DHX57: variants seen among roughly 807,000 people sequenced by gnomAD.
The protein encoded by DHX57 is putative ATP-dependent RNA helicase DHX57.
In DHX57, 105 loss-of-function variants were observed where a neutral mutation model predicts 156.2. That is an observed-to-expected ratio of 0.67 (90% CI 0.57 to 0.79). The LOEUF is 0.79. Ranked by LOEUF, DHX57 falls within the 30% of genes least tolerant of loss-of-function variation. The pLI, the probability that DHX57 is intolerant of heterozygous loss-of-function variation, is 0.00. For missense variants in DHX57, 1,847 were observed against 1,661.9 expected (o/e 1.11, Z -1.94); for synonymous variants, 704 against 595.6 (o/e 1.18, Z -2.65).
chr2:38,862,595 T>TA, intron 3 of DHX57: 1 of 271,400 alleles, frequency 3.7e-6, no homozygotes, highest in Non-Finnish European at 6.7e-6. Context: ...TACTGGAATG[T>TA]CCTTTTTTTT....
chr2:38,835,117 G>A (rs1671584048), intron 13 of DHX57, among the ~76,000 whole-genome samples: 1 of 152,160 alleles, frequency 6.6e-6, no homozygotes, highest in Non-Finnish European at 1.5e-5. Flanking sequence ...AGCAGATAAT[G>A]AGTTCCCAGA....
At chr2:38,849,171 GATAA>G (rs1247523283) in intron 9 of DHX57, among the ~76,000 whole-genome samples, 2 of 152,236 alleles carry the variant, frequency 1.3e-5, no homozygotes, top group Admixed American at 6.5e-5. Context: ...TCAACTAACT[GATAA>G]ATGGTTAATT....
In DHX57 at chr2:38,868,314, C is replaced by T; in HGVS notation, c.92G>A (p.Ser31Asn). The change falls in exon 2 of 24, where the codon AGT (serine) becomes AAT (asparagine). Residue 31 changes from serine to asparagine, a missense_variant. Transcript: ENST00000457308. Reference sequence around the variant, plus strand: ...ACCGCCACCACTCCCATGAGATTTACTGGCGTGACTCCTGCCTCCTCTTCC... The same window carrying T: ...ACCGCCACCACTCCCATGAGATTTATTGGCGTGACTCCTGCCTCCTCTTCC... Reference protein sequence around the residue: ...RGGRGGRSHASKSHGSGGGGG... With the variant: ...RGGRGGRSHANKSHGSGGGGG... 1 of 1,513,040 alleles carries T rather than the reference C, an allele frequency of 6.6e-7. No individual in the cohort carries two copies. Among genetic ancestry groups the T allele is most frequent in the Non-Finnish European group, 9.0e-7 (1 of 1,117,318 alleles). 93.7% of individuals were successfully genotyped at this position (1,513,040 alleles called of 1,614,324 possible).
At chr2:38,814,466 T>G (rs920448757) in intron 20 of DHX57, among the ~76,000 whole-genome samples, 1 of 152,142 alleles carries the variant, frequency 6.6e-6, no homozygotes, top group Non-Finnish European at 1.5e-5. Context: ...TTCCTGAGTA[T>G]AAATGGAGAA....
intron 19 of DHX57, chr2:38,816,152 C>T: frequency 4.2e-6 from 2 of 471,128 alleles, no homozygotes; most frequent in Non-Finnish European, 8.8e-6. Flanking sequence ...TCCTCTTTCT[C>T]CTTCATTATG....
chr2:38,826,647 C>A lies in DHX57; in HGVS notation c.2682G>T (p.Glu894Asp). ...HPLHSSLSSE[E>D]QQAVFVKPPA... The stretch of plus-strand genomic sequence containing the variant: ...GAGGTTTTACAAACACAGCCTGCTG[C>A]TCTTCACTGGATAAAGATGAATGAA... The change falls in exon 15 of 24, where the codon GAG becomes GAT. Residue 894 changes from glutamate (E) to aspartate (D), a missense_variant. Transcript: ENST00000457308. The A allele has an allele frequency of 6.2e-7, 1 of 1,614,156 alleles. No homozygotes were observed. The highest frequency in any genetic ancestry group is 8.5e-7 in the Non-Finnish European group (1 of 1,180,012).
intron 9 of DHX57, chr2:38,853,603 G>A (rs1481733411): frequency 6.6e-6 from 1 of 152,426 alleles, no homozygotes; most frequent in East Asian, 1.9e-4. Flanking sequence ...AAGAGATGAG[G>A]GGGAGCCATA....
At chr2:38,825,323 G>A (rs1252404481) in intron 16 of DHX57, among the ~76,000 whole-genome samples, 1 of 151,570 alleles carries the variant, frequency 6.6e-6, no homozygotes, top group Non-Finnish European at 1.5e-5. Context: ...TATTTTTTGA[G>A]ATGGAGTCTC....
chr2:38,798,908 A>T (rs924089691), intron 23 of DHX57, among the ~76,000 whole-genome samples: 1 of 151,996 alleles, frequency 6.6e-6, no homozygotes, highest in East Asian at 1.9e-4. Flanking sequence ...GCGCCATTGC[A>T]CTCCAGCCTG....
At position 38,804,256 on chromosome 2, in the gene DHX57, T is replaced by C. The variant is rs186564807; in HGVS notation, c.3817-1341A>G. Among the ~76,000 whole-genome samples the C allele has an allele frequency of 7.2e-3, 1,092 of 152,258 alleles. 10 individuals carry two copies. The highest frequency in any genetic ancestry group is 0.01 in the Non-Finnish European group (707 of 68,022). On this transcript the variant is annotated intron_variant, in intron 22 of 23. Coordinates refer to ENST00000457308, the MANE Select transcript of DHX57 (RefSeq NM_198963.3). ...CTGTAATCCCAGCACTTTGGGAAAC[T>C]GAGGCAGGTGGATCACCTGAGGCCA...
At chr2:38,834,187 C>T (rs529807048) in intron 13 of DHX57, among the ~76,000 whole-genome samples, 67 of 151,938 alleles carry the variant, frequency 4.4e-4, no homozygotes, top group African/African-American at 1.5e-3. Context: ...CAAAATTAGC[C>T]GGGTGTGGTG....
Position 38,864,929 on chromosome 2 carries a change from C to G in DHX57, c.225-1410G>C, listed in dbSNP as rs546450966. On this transcript the variant is annotated intron_variant, in intron 2 of 23. Coordinates refer to ENST00000457308, the MANE Select transcript of DHX57 (RefSeq NM_198963.3). ...CAAATGCAGTGGACAATTCTTAGTG[C>G]ACATTTTCCTTGACCTACCAGAAGC... Among the ~76,000 whole-genome samples, 91 of 152,268 alleles carry G rather than the reference C, an allele frequency of 6.0e-4. 1 individual carries two copies. The highest frequency in any genetic ancestry group is 7.6e-4 in the Non-Finnish European group (52 of 68,004).
chr2:38,826,059 A>C lies in DHX57; in HGVS notation c.2814-12T>G, dbSNP rs1435249804. 6.2e-7 allele frequency: 1 copy of C among 1,610,400 alleles called. No individual in the cohort carries two copies. Among genetic ancestry groups the C allele is most frequent in the South Asian group, 1.1e-5 (1 of 90,804 alleles). ...TGCTGGCATCATATCTATAAAGAAA[A>C]AGAAAATATAAATTGAGTCATTTTA... On this transcript the variant is annotated splice_polypyrimidine_tract_variant and intron_variant, in intron 15 of 23. Transcript: ENST00000457308.
intron 13 of DHX57, among the ~76,000 whole-genome samples, chr2:38,829,457 G>C: frequency 6.6e-6 from 1 of 151,240 alleles, no homozygotes; most frequent in Non-Finnish European, 1.5e-5. Flanking sequence ...AGTTTTAGTA[G>C]AGACAGGTTT....
chr2:38,802,618 C>G (rs753411600), intron 23 of DHX57, 97 bp downstream of exon 23: 34 of 1,444,922 alleles, frequency 2.4e-5, no homozygotes, highest in Middle Eastern at 4.6e-4. Context: ...AGCTCTGTTA[C>G]CTTGGTCCCT....
chr2:38,834,870 T>G (rs1415165028), intron 13 of DHX57, among the ~76,000 whole-genome samples: 1 of 152,206 alleles, frequency 6.6e-6, no homozygotes, highest in Non-Finnish European at 1.5e-5. Flanking sequence ...ATCTTACGCT[T>G]TTTGAGAAAT....
chr2:38,814,955 T>C (rs530979343), intron 20 of DHX57, among the ~76,000 whole-genome samples: 159 of 152,140 alleles, frequency 1.0e-3, no homozygotes, highest in African/African-American at 3.6e-3. Context: ...CTCCTGACCT[T>C]GAGTGATCTG....
chr2:38,826,141 T>A (rs916028462), intron 15 of DHX57, 94 bp from the exon 16 acceptor site: 4 of 1,286,722 alleles, frequency 3.1e-6, no homozygotes, highest in Non-Finnish European at 4.3e-6. Flanking sequence ...AGCTTCCTCC[T>A]GTAGAGGGAC....
chr2:38,798,558 T>C (rs1669503907), intron 23 of DHX57, 116 bp from the exon 24 acceptor site: 2 of 1,225,190 alleles, frequency 1.6e-6, no homozygotes, highest in East Asian at 5.0e-5. Flanking sequence ...TAATTTTAAC[T>C]CCATTAGGAG....
Sources: allele counts gnomAD v4.1 joint callset (sites outside exome capture counted in the v4.1 genomes callset), GRCh38; gene constraint gnomAD v4.1.1; transcripts MANE v1.5; gene names NCBI Gene and HGNC (gene_info 2026-07-23, HGNC 2026-07-21).